Variants in KIAA0232 observed in about 807,000 individuals in gnomAD.
KIAA0232 encodes KIAA0232, also known as uncharacterized protein KIAA0232.
Under a neutral mutation model 122.0 loss-of-function variants are expected in KIAA0232, and 27 were observed. The observed-to-expected ratio is 0.22, with a 90% CI of 0.16 to 0.31. The LOEUF (loss-of-function observed/expected upper bound fraction) is 0.31. Ranked by LOEUF, KIAA0232 falls within the 10% of genes least tolerant of loss-of-function variation. The pLI is 1.00. For missense variants in KIAA0232, 1,551 were observed against 1,634.2 expected (o/e 0.95, Z 0.88); for synonymous variants, 613 against 587.6 (o/e 1.04, Z -0.63).
At chr4:6,816,332 G>A (rs1298360705) in intron 2 of KIAA0232, among the ~76,000 whole-genome samples, 7 of 149,352 alleles carry the variant, frequency 4.7e-5, no homozygotes, top group Non-Finnish European at 8.9e-5. Context: ...GCCCAGGCTC[G>A]AGTGCAGTGG....
intron 3 of KIAA0232, among the ~76,000 whole-genome samples, chr4:6,834,647 C>T (rs1719170177): frequency 6.6e-6 from 1 of 152,178 alleles, no homozygotes; most frequent in Admixed American, 6.5e-5. Flanking sequence ...TTACCTTTGA[C>T]ACAATTGGGT....
At chr4:6,789,133 G>T (rs62289424) in intron 1 of KIAA0232, among the ~76,000 whole-genome samples, 2 of 151,730 alleles carry the variant, frequency 1.3e-5, no homozygotes, top group African/African-American at 4.8e-5. Flanking sequence ...CACAACGCCC[G>T]GCTAATTTTT....
chr4:6,783,698 GGGGCGGGCCTGGC>G (rs1716474051), intron 1 of KIAA0232, among the ~76,000 whole-genome samples: 1 of 150,700 alleles, frequency 6.6e-6, no homozygotes, highest in South Asian at 2.1e-4. Context: ...CGCGGCGCGG[GGGGCGGGCCTGGC>G]GGGCGGGGCC....
chr4:6,863,133 C>T lies in KIAA0232; in HGVS notation c.2751C>T (p.Pro917=), dbSNP rs377438292. 108 of 1,614,194 alleles carry T rather than the reference C, an allele frequency of 6.7e-5. No homozygotes were observed. The highest frequency in any genetic ancestry group is 8.6e-5 in the Non-Finnish European group (101 of 1,180,038). The change falls in exon 7 of 10, where the codon CCC becomes CCT. Residue 917 remains proline (P), a synonymous_variant. Transcript: ENST00000307659. ...DGGDYTTPSK[P]WDVAQDKENT... ...GTGATTATACAACACCCTCTAAACC[C>T]TGGGATGTAGCCCAAGATAAAGAAA...
Position 6,884,094 on chromosome 4 carries a change from C to T in KIAA0232, c.*3128C>T, listed in dbSNP as rs1477670609. 1 of 151,916 alleles carries T rather than the reference C, an allele frequency of 6.6e-6. No individual in the cohort carries two copies. Among genetic ancestry groups the T allele is most frequent in the Non-Finnish European group, 1.5e-5 (1 of 67,976 alleles). The allele number at this position is 151,916 out of a possible 1,614,324, so 9.4% of individuals were successfully genotyped here. A position where few individuals can be genotyped will look rare whatever the true frequency, so the allele number is the denominator to read the frequency against. On this transcript the variant is annotated 3_prime_UTR_variant, in exon 10 of 10. Coordinates refer to ENST00000307659, the MANE Select transcript of KIAA0232 (RefSeq NM_014743.3). ...TAACGTTTCTATGGACATCTGTAAA[C>T]ATGTATGAGGGGACTTTTAAAAGTT...
At chr4:6,790,167 A>G (rs771651684) in intron 1 of KIAA0232, among the ~76,000 whole-genome samples, 20 of 152,142 alleles carry the variant, frequency 1.3e-4, no homozygotes, top group South Asian at 2.1e-4. Context: ...CCTCTTTGGT[A>G]TTTGGAATGA....
chr4:6,823,564 A>C (rs1383676703), intron 2 of KIAA0232, among the ~76,000 whole-genome samples: 2 of 152,216 alleles, frequency 1.3e-5, no homozygotes, highest in African/African-American at 4.8e-5. Flanking sequence ...GTAATTGATT[A>C]CTTATATAAA....
chr4:6,841,945 C>G, intron 3 of KIAA0232, 122 bp from the exon 4 acceptor site: 1 of 1,127,674 alleles, frequency 8.9e-7, no homozygotes, highest in Non-Finnish European at 1.3e-6. Flanking sequence ...AATAGACAAG[C>G]CGATCCTAAA....
intron 4 of KIAA0232, among the ~76,000 whole-genome samples, chr4:6,843,925 A>ATTT (rs1491055750): frequency 4.2e-5 from 3 of 71,142 alleles, no homozygotes; most frequent in African/African-American, 1.1e-4. Flanking sequence ...TGAGTTACCC[A>ATTT]TCTTTTTTTT....
At chr4:6,874,757 C>T (rs1721662481) in intron 8 of KIAA0232, among the ~76,000 whole-genome samples, 1 of 152,114 alleles carries the variant, frequency 6.6e-6, no homozygotes, top group Admixed American at 6.5e-5. Flanking sequence ...TAGAAGAATG[C>T]CCTCATTGTA....
chr4:6,807,936 T>C (rs1717712454), intron 2 of KIAA0232, among the ~76,000 whole-genome samples: 1 of 152,128 alleles, frequency 6.6e-6, no homozygotes. Context: ...GGTGTGGTGA[T>C]GTGCACCTGT....
At chr4:6,788,265 G>A (rs570706186) in intron 1 of KIAA0232, among the ~76,000 whole-genome samples, 5 of 152,028 alleles carry the variant, frequency 3.3e-5, no homozygotes, top group East Asian at 3.9e-4. Context: ...TAATCTGCCC[G>A]CCTTGGCCTC....
In KIAA0232 at chr4:6,861,891, A is replaced by G. The variant is rs774378713; in HGVS notation, c.1509A>G (p.Leu503=). The part of the protein sequence containing the change: ...EDNKYLDDIH[L]SELTHFYEVD... ...ATAAATACCTGGATGATATTCATCT[A>G]TCAGAATTAACGCACTTCTATGAAG... Residue 503 remains leucine, a synonymous_variant, in exon 7 of 10, where the codon CTA becomes CTG. Transcript: ENST00000307659. 10 of 1,614,020 alleles carry G rather than the reference A, an allele frequency of 6.2e-6. No homozygotes were observed. Among genetic ancestry groups the G allele is most frequent in the Non-Finnish European group, 7.6e-6 (9 of 1,179,990 alleles).
chr4:6,846,141 A>G (rs1270318921), intron 4 of KIAA0232, among the ~76,000 whole-genome samples: 6 of 152,024 alleles, frequency 3.9e-5, no homozygotes, highest in Non-Finnish European at 7.4e-5. Context: ...CATAACAACG[A>G]TTTTTAAAAA....
chr4:6,795,704 C>A (rs535162424), intron 1 of KIAA0232, among the ~76,000 whole-genome samples: 29 of 152,264 alleles, frequency 1.9e-4, no homozygotes, highest in African/African-American at 6.5e-4. Context: ...GTAGTCCTCC[C>A]ATTTCAGCCT....
intron 2 of KIAA0232, among the ~76,000 whole-genome samples, chr4:6,810,792 A>T (rs934147204): frequency 3.3e-5 from 5 of 152,196 alleles, no homozygotes; most frequent in African/African-American, 1.2e-4. Context: ...ACTTTTTTTA[A>T]AAGAAGACAT....
chr4:6,799,295 G>A (rs1038373274), intron 1 of KIAA0232, among the ~76,000 whole-genome samples: 1 of 149,278 alleles, frequency 6.7e-6, no homozygotes, highest in African/African-American at 2.5e-5. Context: ...TGATAATCTA[G>A]TATGACCTCA....
At chr4:6,803,676 G>A (rs982694291) in intron 1 of KIAA0232, among the ~76,000 whole-genome samples, 5 of 152,168 alleles carry the variant, frequency 3.3e-5, no homozygotes, top group East Asian at 1.9e-4. Context: ...TATAAAAAAG[G>A]AATAACCAAT....
At chr4:6,819,089 T>C (rs1045869567) in intron 2 of KIAA0232, among the ~76,000 whole-genome samples, 4 of 152,144 alleles carry the variant, frequency 2.6e-5, no homozygotes, top group Admixed American at 6.5e-5. Context: ...ACATGGATTA[T>C]AGATACTTAA....
Sources: gnomAD v4.1 joint callset for allele counts (sites outside exome capture counted in the v4.1 genomes callset) on GRCh38, gnomAD v4.1.1 for gene constraint, MANE v1.5 for transcripts, NCBI Gene and HGNC (gene_info 2026-07-23, HGNC 2026-07-21) for gene names.